The following MEI4 variants were observed in gnomAD, a reference collection of about 807,000 sequenced individuals.
MEI4 encodes the protein meiotic double-stranded break formation protein 4.
Under a neutral mutation model 31.4 loss-of-function variants are expected in MEI4, and 27 were observed. That is an observed-to-expected ratio of 0.86 (90% CI 0.63 to 1.19). The LOEUF is 1.19. Among genes scored for constraint, MEI4 ranks in the 50% most tolerant of loss-of-function variants. The pLI is 0.00. For synonymous variants in MEI4, 122 were observed against 145.4 expected (o/e 0.84, Z 1.16); for missense variants, 329 against 398.9 (o/e 0.82, Z 1.49).
chr6:77,923,097 C>T lies in MEI4; in HGVS notation c.909C>T (p.Ala303=). 8.1e-7 allele frequency: 1 copy of T among 1,229,924 alleles called. No individual in the cohort carries two copies. Among genetic ancestry groups the T allele is most frequent in the Non-Finnish European group, 1.0e-6 (1 of 986,428 alleles). 76.2% of individuals were successfully genotyped at this position (1,229,924 alleles called of 1,614,324 possible). ...TTGTTGTTTATTTGTAGGAGCAAGC[C>T]AGTTATGATGTGTCACGCTATGAAA... ...DDLGAINQEQ[A]SYDVSRYENI... The change falls in exon 5 of 5, where the codon GCC becomes GCT. Residue 303 remains alanine, a synonymous_variant. Coordinates refer to ENST00000684080, the MANE Select transcript of MEI4 (RefSeq NM_001322247.2).
chr6:77,722,017 C>T (rs1766718716), intron 2 of MEI4, among the ~76,000 whole-genome samples: 1 of 123,024 alleles, frequency 8.1e-6, no homozygotes. Context: ...CCTGAGGTAA[C>T]ACTTTCCACT....
At chr6:77,831,000 C>T (rs1315426788) in intron 4 of MEI4, among the ~76,000 whole-genome samples, 1 of 151,672 alleles carries the variant, frequency 6.6e-6, no homozygotes, top group Non-Finnish European at 1.5e-5. Context: ...TGCAAACTAG[C>T]TATCTGACAA....
chr6:77,916,914 C>CA (rs540848084), intron 4 of MEI4, among the ~76,000 whole-genome samples: 1 of 119,756 alleles, frequency 8.4e-6, no homozygotes, highest in Non-Finnish European at 2.0e-5. Flanking sequence ...TGCTATCCCT[C>CA]CCCCCCTACC....
chr6:77,747,639 G>T (rs1217082892), intron 2 of MEI4, among the ~76,000 whole-genome samples: 1 of 152,118 alleles, frequency 6.6e-6, no homozygotes, highest in Non-Finnish European at 1.5e-5. Context: ...GATGAGATTT[G>T]GGTGGGGACA....
intron 1 of MEI4, among the ~76,000 whole-genome samples, chr6:77,675,547 TA>T (rs370392930): frequency 0.015 from 2,024 of 138,666 alleles, 29 homozygotes; most frequent in African/African-American, 0.039. Context: ...TTTTTTTTTT[TA>T]AAAAAAAGGT....
Position 77,681,095 on chromosome 6 carries a change from G to C in MEI4, c.-14-9563G>C, listed in dbSNP as rs9448135. ...ATCTCCCCTCTTTAATCTCCTCTTT[G>C]CCTTGAAGCTGAGGCCCTGGCTCAG... On this transcript the variant is annotated intron_variant, in intron 1 of 4. Coordinates refer to ENST00000684080, the MANE Select transcript of MEI4 (RefSeq NM_001322247.2). Among the ~76,000 whole-genome samples the C allele has an allele frequency of 8.0e-3, 1,223 of 152,028 alleles. 14 individuals carry two copies. Among genetic ancestry groups the C allele is most frequent in the African/African-American group, 0.027 (1,107 of 41,424 alleles).
intron 4 of MEI4, among the ~76,000 whole-genome samples, chr6:77,854,286 A>G (rs1028674148): frequency 1.3e-5 from 2 of 151,192 alleles, no homozygotes; most frequent in African/African-American, 4.9e-5. Flanking sequence ...GTTAACCAAT[A>G]TGCTCAATAT....
chr6:77,740,749 C>T (rs901688704), intron 2 of MEI4, among the ~76,000 whole-genome samples: 4 of 151,708 alleles, frequency 2.6e-5, no homozygotes, highest in Non-Finnish European at 4.4e-5. Flanking sequence ...TTGATCTCAA[C>T]CTTTATCTGT....
At chr6:77,878,229 CCTCTTGATATTAAGGCCT>C (rs1274254133) in intron 4 of MEI4, among the ~76,000 whole-genome samples, 1 of 149,218 alleles carries the variant, frequency 6.7e-6, no homozygotes, top group Non-Finnish European at 1.5e-5. Flanking sequence ...CATAAAAAAA[CCTCTTGATATTAAGGCCT>C]CACTACTTTT....
intron 4 of MEI4, among the ~76,000 whole-genome samples, chr6:77,885,183 C>CTTT (rs1006306194): frequency 7.2e-6 from 1 of 139,416 alleles, no homozygotes; most frequent in Non-Finnish European, 1.6e-5. Context: ...GCTAGTGACT[C>CTTT]TTTTTTTTTT....
chr6:77,653,129 A>G (rs930427644), intron 1 of MEI4, among the ~76,000 whole-genome samples, 37 bp downstream of exon 1: 1 of 152,140 alleles, frequency 6.6e-6, no homozygotes, highest in Non-Finnish European at 1.5e-5. Context: ...CTTGAAATGT[A>G]TTTTGCCAGT....
At position 77,847,400 on chromosome 6, in the gene MEI4, A is replaced by T. The variant is rs968555708; in HGVS notation, c.900+18338A>T. On this transcript the variant is annotated intron_variant, in intron 4 of 4. Transcript: ENST00000684080. This position sits in a 1 kb window ranked among gnomAD's most constrained non-coding sequence, Gnocchi z 4.6. The stretch of plus-strand genomic sequence containing the variant: ...TTAATTCTTCCTTTTTTCCATAAGC[A>T]TGAGAATGTATTGCTGCAGTTTTAA... Among the ~76,000 whole-genome samples the T allele has an allele frequency of 3.3e-5, 5 of 152,134 alleles. No homozygotes were observed. The highest frequency in any genetic ancestry group is 6.5e-5 in the Admixed American group (1 of 15,270).
chr6:77,865,770 C>A (rs1445867794), intron 4 of MEI4, among the ~76,000 whole-genome samples: 1 of 151,972 alleles, frequency 6.6e-6, no homozygotes. Context: ...GGCAGAGACA[C>A]AACAAAAAAA....
chr6:77,840,741 A>G (rs1770337640), intron 4 of MEI4, among the ~76,000 whole-genome samples: 1 of 152,138 alleles, frequency 6.6e-6, no homozygotes, highest in South Asian at 2.1e-4. Context: ...TGAACATTGT[A>G]ATTACCCATC....
intron 3 of MEI4, among the ~76,000 whole-genome samples, chr6:77,794,530 C>G (rs866001643): frequency 1.3e-5 from 2 of 152,102 alleles, no homozygotes; most frequent in African/African-American, 4.8e-5. Context: ...CCACTGCACT[C>G]CAGCCTGGGT....
At chr6:77,767,040 A>C (rs1190542012) in intron 3 of MEI4, among the ~76,000 whole-genome samples, 5 of 152,122 alleles carry the variant, frequency 3.3e-5, no homozygotes, top group Non-Finnish European at 7.4e-5. Context: ...ATATAAAGGA[A>C]GTCTAAGGTT....
At chr6:77,790,415 T>G (rs550362768) in intron 3 of MEI4, among the ~76,000 whole-genome samples, 1 of 151,902 alleles carries the variant, frequency 6.6e-6, no homozygotes, top group East Asian at 1.9e-4. Context: ...AAAATAACAT[T>G]GAATGATAAA....
At chr6:77,709,505 C>G (rs952318915) in intron 2 of MEI4, among the ~76,000 whole-genome samples, 1 of 152,080 alleles carries the variant, frequency 6.6e-6, no homozygotes, top group Non-Finnish European at 1.5e-5. Context: ...AAAATGTTAA[C>G]ATTTTACATC....
chr6:77,827,873 A>G (rs1769992714), intron 3 of MEI4, among the ~76,000 whole-genome samples: 1 of 152,180 alleles, frequency 6.6e-6, no homozygotes, highest in African/African-American at 2.4e-5. Context: ...AACTTCAGTC[A>G]TGTCGGGGAG....
Sources: allele counts gnomAD v4.1 joint callset (sites outside exome capture counted in the v4.1 genomes callset), GRCh38; gene constraint gnomAD v4.1.1; non-coding constraint Gnocchi (gnomAD v3.1); transcripts MANE v1.5; gene names NCBI Gene and HGNC (gene_info 2026-07-23, HGNC 2026-07-21).